The following SEMA3D variants were observed in gnomAD, a reference collection of about 807,000 sequenced individuals.
SEMA3D encodes the protein semaphorin 3D, also known as semaphorin-3D.
In SEMA3D, 84 loss-of-function variants were observed where a neutral mutation model predicts 100.1. The ratio of observed to expected loss-of-function variants is 0.84; its 90% confidence interval spans 0.70 to 1.01. SEMA3D has a LOEUF of 1.01. Ranked by LOEUF, SEMA3D falls within the 50% of genes least tolerant of loss-of-function variation. The pLI, the probability that SEMA3D is intolerant of heterozygous loss-of-function variation, is 0.00. For synonymous variants in SEMA3D, 312 were observed against 320.7 expected (o/e 0.97, Z 0.29); for missense variants, 875 against 934.1 (o/e 0.94, Z 0.82).
At chr7:85,203,811 A>T in the SEMA3D span, among the ~76,000 whole-genome samples, 1 of 151,952 alleles carries the variant, frequency 6.6e-6, no homozygotes. Context: ...ACAGGGGGAA[A>T]ACAAAAACAA....
intron 5 of SEMA3D, among the ~76,000 whole-genome samples, chr7:85,075,101 T>C (rs1306437782): frequency 6.6e-6 from 1 of 152,100 alleles, no homozygotes; most frequent in Non-Finnish European, 1.5e-5. Flanking sequence ...TTTTATTCCT[T>C]GGTTTTTCCT....
In SEMA3D at chr7:85,106,131, C is replaced by G. The variant is rs184928454; in HGVS notation, c.152-8166G>C. Among the ~76,000 whole-genome samples the G allele has an allele frequency of 1.5e-3, 225 of 151,984 alleles. 1 individual carries two copies. The highest frequency in any genetic ancestry group is 2.0e-3 in the Admixed American group (30 of 15,244). On this transcript the variant is annotated intron_variant, in intron 3 of 18. Coordinates refer to ENST00000284136, the MANE Select transcript of SEMA3D (RefSeq NM_001384900.1). ...AGTATTATAAATATCTAGTACATTT[C>G]CAGAAAAGCAATGTCACGATGGAAT...
chr7:85,195,440 T>C, the SEMA3D span, among the ~76,000 whole-genome samples: 1 of 152,042 alleles, frequency 6.6e-6, no homozygotes, highest in African/African-American at 2.4e-5. Context: ...CTCCTTTTTT[T>C]CTTTTTTTTT....
intron 2 of SEMA3D, among the ~76,000 whole-genome samples, chr7:85,127,288 G>T (rs150663896): frequency 1.3e-5 from 2 of 151,956 alleles, no homozygotes; most frequent in African/African-American, 2.4e-5. Flanking sequence ...ATTTTGTAGC[G>T]GTTTAAACAT....
intron 1 of SEMA3D, among the ~76,000 whole-genome samples, chr7:85,183,269 T>C (rs751119026): frequency 5.3e-5 from 8 of 152,180 alleles, no homozygotes; most frequent in South Asian, 2.1e-4. Context: ...ACCCTTTTGA[T>C]AGTTAACAAA....
intron 17 of SEMA3D, among the ~76,000 whole-genome samples, chr7:85,010,877 G>A (rs953443586): frequency 6.6e-6 from 1 of 151,646 alleles, no homozygotes; most frequent in African/African-American, 2.4e-5. Flanking sequence ...GTATTAGGGA[G>A]TCAGTAGACA....
intron 3 of SEMA3D, 35 bp from the exon 4 acceptor site, chr7:85,098,000 GAAAA>G: frequency 6.2e-6 from 7 of 1,129,658 alleles, no homozygotes; most frequent in Non-Finnish European, 8.2e-6. Context: ...AAAGGAGAAA[GAAAA>G]AAGAAAGAAA....
At chr7:85,042,364 T>A (rs1790888930) in intron 9 of SEMA3D, 79 bp from the exon 10 acceptor site, 8 of 947,958 alleles carry the variant, frequency 8.4e-6, no homozygotes, top group Admixed American at 1.8e-5. Context: ...CTATTACAGG[T>A]AGTGTCTTAT....
chr7:85,007,110 A>T (rs967538180), intron 17 of SEMA3D, among the ~76,000 whole-genome samples, 169 bp from the exon 18 acceptor site: 2 of 151,902 alleles, frequency 1.3e-5, no homozygotes, highest in African/African-American at 4.8e-5. Context: ...TACACAACAG[A>T]TTGATTTTTA....
intron 9 of SEMA3D, among the ~76,000 whole-genome samples, chr7:85,047,822 A>G (rs1177080138): frequency 6.6e-6 from 1 of 151,836 alleles, no homozygotes; most frequent in African/African-American, 2.4e-5. Context: ...GAGGTTATAA[A>G]TTATTCTCTG....
At chr7:85,127,181 C>T (rs1789592598) in intron 2 of SEMA3D, among the ~76,000 whole-genome samples, 2 of 152,076 alleles carry the variant, frequency 1.3e-5, no homozygotes, top group African/African-American at 4.8e-5. Context: ...TGATATTTCT[C>T]CACACACCAA....
the SEMA3D span, among the ~76,000 whole-genome samples, chr7:85,238,868 CAG>C: frequency 6.6e-6 from 1 of 152,026 alleles, no homozygotes; most frequent in Non-Finnish European, 1.5e-5. Context: ...TTTGTTTCAT[CAG>C]AGTTTTGTAG....
intron 3 of SEMA3D, among the ~76,000 whole-genome samples, chr7:85,100,646 C>T (rs1028233519): frequency 1.3e-5 from 2 of 151,688 alleles, no homozygotes; most frequent in Non-Finnish European, 2.9e-5. Context: ...CAGTTCTAAC[C>T]TCTGTAAAAA....
At chr7:85,211,387 G>A in the SEMA3D span, among the ~76,000 whole-genome samples, 2 of 151,826 alleles carry the variant, frequency 1.3e-5, no homozygotes, top group Admixed American at 1.3e-4. Context: ...GAGGACTCAG[G>A]CAGCCCACAC....
chr7:85,177,129 C>G (rs1207918287), intron 1 of SEMA3D, among the ~76,000 whole-genome samples: 1 of 151,942 alleles, frequency 6.6e-6, no homozygotes, highest in Non-Finnish European at 1.5e-5. Context: ...AGAACATATC[C>G]CTGTCATTAA....
Position 85,015,058 on chromosome 7 carries a change from C to T in SEMA3D, c.1703+1G>A, listed in dbSNP as rs1322461441. On this transcript the variant is annotated splice_donor_variant, in intron 16 of 18. Transcript: ENST00000284136. LOFTEE classifies it high-confidence loss of function. ...TTATATTAACTCCATGTGCCTCTTA[C>T]CTTTTAGAAGTAGGAGCATATCGAG... 1 of 1,609,716 alleles carries T rather than the reference C, an allele frequency of 6.2e-7. No individual in the cohort carries two copies. The highest frequency in any genetic ancestry group is 8.5e-7 in the Non-Finnish European group (1 of 1,177,064).
rs925635026 is a variant in SEMA3D at position 85,071,050 on chromosome 7, C to A, written c.495+1912G>T. On this transcript the variant is annotated intron_variant, in intron 6 of 18. Coordinates refer to ENST00000284136, the MANE Select transcript of SEMA3D (RefSeq NM_001384900.1). The stretch of plus-strand genomic sequence containing the variant: ...CCACCTCAGCCTCCCAAAGTGTGAG[C>A]CACTGCGTCCGGCCAGCACTTGTGA... 2.6e-5 allele frequency among the ~76,000 whole-genome samples: 4 copies of A among 152,062 alleles called. No homozygotes were observed. The East Asian group carries it at 7.7e-4, about 29-fold the overall frequency.
intron 2 of SEMA3D, among the ~76,000 whole-genome samples, chr7:85,125,626 T>C (rs1246934395): frequency 6.6e-6 from 1 of 152,144 alleles, no homozygotes; most frequent in Non-Finnish European, 1.5e-5. Flanking sequence ...TTTTCTACTA[T>C]AAAACAGTCA....
At chr7:85,141,654 T>A (rs1283598477) in intron 2 of SEMA3D, 1 of 983,624 alleles carries the variant, frequency 1.0e-6, no homozygotes, top group African/African-American at 1.7e-5. Flanking sequence ...CAAATCTAAA[T>A]AAGAACATGT....
Sources: allele counts gnomAD v4.1 joint callset (sites outside exome capture counted in the v4.1 genomes callset), GRCh38; gene constraint gnomAD v4.1.1; transcripts MANE v1.5; gene names NCBI Gene and HGNC (gene_info 2026-07-23, HGNC 2026-07-21).